TRIM2: variants seen among roughly 807,000 people sequenced by gnomAD.
TRIM2 encodes the protein tripartite motif-containing protein 2.
Under a neutral mutation model 75.2 loss-of-function variants are expected in TRIM2, and 20 were observed. That is an observed-to-expected ratio of 0.27 (90% CI 0.19 to 0.39). The LOEUF (loss-of-function observed/expected upper bound fraction) is 0.39, where lower values mean the gene tolerates loss of function less well. Ranked by LOEUF, TRIM2 falls within the 10% of genes least tolerant of loss-of-function variation. The pLI is 1.00. For missense variants in TRIM2, 660 were observed against 990.8 expected, an observed-to-expected ratio of 0.67 and a Z score of 4.48; for synonymous variants, 373 against 388.3, an observed-to-expected ratio of 0.96 and a Z score of 0.46.
chr4:153,292,568 G>A (rs964223220), intron 3 of TRIM2, among the ~76,000 whole-genome samples: 2 of 152,126 alleles, frequency 1.3e-5, no homozygotes, highest in Non-Finnish European at 2.9e-5. Flanking sequence ...TGGGATTATA[G>A]GCATACGCCA....
chr4:153,204,422 G>T (rs566965036), upstream of TRIM2: 10 of 1,337,028 alleles, frequency 7.5e-6, no homozygotes, highest in East Asian at 2.3e-4. Flanking sequence ...TTATATTTTA[G>T]TAAGGGCCAC....
rs951820965 is a variant in TRIM2 at position 153,295,178 on chromosome 4, G to A, written c.787-135G>A. 16 of 1,251,032 alleles carry A rather than the reference G, an allele frequency of 1.3e-5. No individual in the cohort carries two copies. The African/African-American group carries it at 2.3e-4, about 18-fold the overall frequency. 77.5% of individuals were successfully genotyped at this position (1,251,032 alleles called of 1,614,324 possible). On this transcript the variant is annotated intron_variant, in intron 5 of 11. Coordinates refer to ENST00000338700, the MANE Select transcript of TRIM2 (RefSeq NM_015271.5). The surrounding 1 kb of genome is among the most constrained non-coding windows in gnomAD (Gnocchi z 7.2). ...CTTTGCGTTAGCACTGGGTTCCCTG[G>A]GTTGACAAACACCGCTTGCTCAGAG...
intron 1 of TRIM2, among the ~76,000 whole-genome samples, chr4:153,224,653 A>G (rs1741644959): frequency 6.6e-6 from 1 of 152,020 alleles, no homozygotes; most frequent in Non-Finnish European, 1.5e-5. Context: ...TCCTGCCTTT[A>G]TTTTCCTGGA....
At chr4:153,296,149 TAGG>T in intron 6 of TRIM2, 113 bp downstream of exon 6, 1 of 1,329,290 alleles carries the variant, frequency 7.5e-7, no homozygotes, top group Non-Finnish European at 9.9e-7. Context: ...CTGCAGGTGT[TAGG>T]AGATGTACTG....
chr4:153,322,239 C>T (rs949207968), intron 8 of TRIM2, among the ~76,000 whole-genome samples: 4 of 152,022 alleles, frequency 2.6e-5, no homozygotes, highest in Admixed American at 6.6e-5. Context: ...GAAACCCTGT[C>T]TCTACTAAAA....
intron 1 of TRIM2, among the ~76,000 whole-genome samples, chr4:153,243,748 G>A (rs1447215247): frequency 6.6e-6 from 1 of 151,718 alleles, no homozygotes; most frequent in Non-Finnish European, 1.5e-5. Context: ...TCTTTATCTA[G>A]TAAAAATGGC....
At chr4:153,271,587 G>A (rs1466712893) in intron 2 of TRIM2, among the ~76,000 whole-genome samples, 2 of 152,092 alleles carry the variant, frequency 1.3e-5, no homozygotes, top group South Asian at 2.1e-4. Context: ...GTGTGTGTGC[G>A]TGTGCTTGTG....
chr4:153,299,584 G>C (rs1386016040), intron 6 of TRIM2, among the ~76,000 whole-genome samples: 1 of 152,164 alleles, frequency 6.6e-6, no homozygotes, highest in Non-Finnish European at 1.5e-5. Context: ...CAGTATGTCA[G>C]TATGTTCAGT....
At chr4:153,234,470 T>C (rs1578772982) in intron 1 of TRIM2, among the ~76,000 whole-genome samples, 4 of 152,318 alleles carry the variant, frequency 2.6e-5, no homozygotes, top group Admixed American at 2.6e-4. Flanking sequence ...CAACCTTTGT[T>C]TCAGTGAAAT....
intron 1 of TRIM2, among the ~76,000 whole-genome samples, chr4:153,189,286 A>G (rs1214238446): frequency 6.6e-6 from 1 of 152,208 alleles, no homozygotes; most frequent in Non-Finnish European, 1.5e-5. Flanking sequence ...TCCAAAACAG[A>G]GTCTAGTTTC....
chr4:153,276,342 C>G (rs1049694382), intron 3 of TRIM2: 4 of 593,172 alleles, frequency 6.7e-6, no homozygotes, highest in East Asian at 2.8e-5. Context: ...GTGTCTCCTT[C>G]ACACATATTG....
In TRIM2 at chr4:153,338,625, T is replaced by G. The variant is rs1314305787; in HGVS notation, c.*3659T>G. 3 of 985,486 alleles carry G rather than the reference T, an allele frequency of 3.0e-6. No homozygotes were observed. Among genetic ancestry groups the G allele is most frequent in the Non-Finnish European group, 2.4e-6 (2 of 829,636 alleles). The allele number at this position is 985,486 out of a possible 1,614,324, so 61.0% of individuals were successfully genotyped here. On this transcript the variant is annotated 3_prime_UTR_variant, in exon 12 of 12. Coordinates refer to ENST00000338700, the MANE Select transcript of TRIM2 (RefSeq NM_015271.5). ...AGATTTGTTTGGTATAAATAAAGAA[T>G]TATTTGTTTTGTTTTCAATGACAGT...
intron 1 of TRIM2, among the ~76,000 whole-genome samples, chr4:153,232,726 A>G (rs1327105672): frequency 6.6e-6 from 1 of 152,180 alleles, no homozygotes; most frequent in Non-Finnish European, 1.5e-5. Context: ...AGTAGTAGCA[A>G]TGGTAATGTG....
intron 6 of TRIM2, among the ~76,000 whole-genome samples, chr4:153,305,964 G>A (rs775186539): frequency 2.6e-5 from 4 of 152,134 alleles, no homozygotes; most frequent in South Asian, 2.1e-4. Flanking sequence ...GTGAAACCCC[G>A]TCTCTACTAA....
At chr4:153,235,224 C>T (rs969124376) in intron 1 of TRIM2, among the ~76,000 whole-genome samples, 1 of 152,104 alleles carries the variant, frequency 6.6e-6, no homozygotes, top group African/African-American at 2.4e-5. Flanking sequence ...TTCTGAAGCA[C>T]TCAAAGTCAG....
At chr4:153,244,739 C>G (rs1406597493) in intron 1 of TRIM2, among the ~76,000 whole-genome samples, 4 of 151,886 alleles carry the variant, frequency 2.6e-5, no homozygotes, top group Non-Finnish European at 5.9e-5. Flanking sequence ...TGGATATGAA[C>G]TAGAGAATAA....
chr4:153,322,877 G>A lies in TRIM2; in HGVS notation c.1951+61G>A, dbSNP rs894041222. On this transcript the variant is annotated intron_variant, in intron 9 of 11. Coordinates refer to ENST00000338700, the MANE Select transcript of TRIM2 (RefSeq NM_015271.5). ...ATGCTTCTTCTGCTCACATTTGCAT[G>A]ATGTTGGAGCATGTTGAAGACACCG... 2.5e-6 allele frequency: 4 copies of A among 1,596,546 alleles called. No individual in the cohort carries two copies. The Admixed American group carries it at 5.0e-5, about 20-fold the overall frequency.
At chr4:153,204,389 T>C (rs190067383), upstream of TRIM2, 91 of 901,042 alleles carry the variant, frequency 1.0e-4, no homozygotes, top group African/African-American at 1.4e-3. Context: ...GCCCCGCCCC[T>C]TTGGCTTGTG....
intron 1 of TRIM2, among the ~76,000 whole-genome samples, chr4:153,170,436 G>C (rs144079200): frequency 1.9e-4 from 29 of 152,306 alleles, no homozygotes; most frequent in Non-Finnish European, 4.3e-4. Context: ...GCAGGGCATT[G>C]TGGCTATAAA....
Sources: allele counts gnomAD v4.1 joint callset (sites outside exome capture counted in the v4.1 genomes callset), GRCh38; gene constraint gnomAD v4.1.1; non-coding constraint Gnocchi (gnomAD v3.1); transcripts MANE v1.5; gene names NCBI Gene and HGNC (gene_info 2026-07-23, HGNC 2026-07-21).